SPAG16: variants seen among roughly 807,000 people sequenced by gnomAD.
SPAG16 encodes sperm associated antigen 16, also known as sperm-associated antigen 16 protein.
Under a neutral mutation model 80.4 loss-of-function variants are expected in SPAG16, and 86 were observed. The observed-to-expected ratio is 1.07, with a 90% CI of 0.90 to 1.28. The LOEUF (loss-of-function observed/expected upper bound fraction) is 1.28, where lower values mean the gene tolerates loss of function less well. Ranked by LOEUF, SPAG16 falls within the 50% of genes most tolerant of loss-of-function variation. SPAG16 has a pLI of 0.00. For missense variants in SPAG16, 870 were observed against 765.3 expected (o/e 1.14, Z -1.61); for synonymous variants, 294 against 265.9 (o/e 1.11, Z -1.03).
intron 11 of SPAG16, among the ~76,000 whole-genome samples, chr2:213,869,343 T>C (rs1297389443): frequency 6.8e-6 from 1 of 147,678 alleles, no homozygotes; most frequent in Non-Finnish European, 1.5e-5. Flanking sequence ...ACTTTTTATT[T>C]GGTGTAAGCT....
Position 213,778,840 on chromosome 2 carries a change from T to C in SPAG16, c.1071-83645T>C, listed in dbSNP as rs184330506. On this transcript the variant is annotated intron_variant, in intron 10 of 15. Transcript: ENST00000331683. ...TTGAGTTAATATTAATGAATTTTTT[T>C]CAGTTCCATGTCTGCAGTGATTCTC... Among the ~76,000 whole-genome samples the C allele has an allele frequency of 7.9e-5, 12 of 152,322 alleles. No homozygotes were observed. The East Asian group carries it at 2.3e-3, about 29-fold the overall frequency.
At chr2:214,017,871 T>C (rs982649110) in intron 13 of SPAG16, among the ~76,000 whole-genome samples, 1 of 152,150 alleles carries the variant, frequency 6.6e-6, no homozygotes, top group African/African-American at 2.4e-5. Context: ...TTTGTTACTA[T>C]TATGCATGCT....
At chr2:214,238,738 T>TA (rs1414324745) in intron 15 of SPAG16, 6 of 151,636 alleles carry the variant, frequency 4.0e-5, no homozygotes, top group Non-Finnish European at 8.8e-5. Flanking sequence ...GTTTTACTCA[T>TA]AAAAATGTAA....
intron 12 of SPAG16, among the ~76,000 whole-genome samples, chr2:213,985,147 G>T (rs2045942855): frequency 6.6e-6 from 1 of 152,020 alleles, no homozygotes; most frequent in Non-Finnish European, 1.5e-5. Context: ...GAAAATAGAA[G>T]TTCCTCAAGA....
intron 12 of SPAG16, among the ~76,000 whole-genome samples, chr2:213,946,121 A>AT (rs912750810): frequency 6.6e-6 from 1 of 151,850 alleles, no homozygotes; most frequent in African/African-American, 2.4e-5. Context: ...TGTTGGGGAA[A>AT]TTTTTTTGTG....
chr2:213,944,475 ATAACT>A (rs768973105), intron 12 of SPAG16, among the ~76,000 whole-genome samples: 11 of 152,218 alleles, frequency 7.2e-5, no homozygotes, highest in South Asian at 2.1e-4. Flanking sequence ...TTGGAAGTAC[ATAACT>A]TAACGGGTTT....
intron 15 of SPAG16, among the ~76,000 whole-genome samples, chr2:214,393,495 T>TA (rs1207493873): frequency 6.6e-6 from 1 of 151,928 alleles, no homozygotes; most frequent in Non-Finnish European, 1.5e-5. Context: ...TTTTCAGGTC[T>TA]AAAAAATTTT....
At chr2:214,328,540 C>T (rs377304451) in intron 15 of SPAG16, among the ~76,000 whole-genome samples, 88 of 152,262 alleles carry the variant, frequency 5.8e-4, no homozygotes, top group African/African-American at 1.8e-3. Flanking sequence ...CCTGAGCTCC[C>T]GCAATTTCCT....
chr2:214,016,384 A>G (rs2047592800), intron 13 of SPAG16, among the ~76,000 whole-genome samples: 1 of 152,144 alleles, frequency 6.6e-6, no homozygotes, highest in African/African-American at 2.4e-5. Flanking sequence ...CACTATCACG[A>G]GAACAGCATG....
chr2:213,670,178 A>T (rs1433946674), intron 10 of SPAG16, among the ~76,000 whole-genome samples: 1 of 151,776 alleles, frequency 6.6e-6, no homozygotes, highest in African/African-American at 2.4e-5. Context: ...TTGTATTTTT[A>T]GTAGAGATGG....
chr2:214,003,263 T>C (rs551378261), intron 12 of SPAG16, among the ~76,000 whole-genome samples: 111 of 152,306 alleles, frequency 7.3e-4, no homozygotes, highest in African/African-American at 2.5e-3. Context: ...TATAAATTAA[T>C]TTTCTAGATA....
intron 10 of SPAG16, among the ~76,000 whole-genome samples, chr2:213,748,929 A>T (rs552268723): frequency 2.6e-5 from 4 of 152,264 alleles, no homozygotes; most frequent in Admixed American, 2.0e-4. Context: ...CAGGGGGATC[A>T]TGAGGTCAGG....
intron 6 of SPAG16, among the ~76,000 whole-genome samples, chr2:213,345,641 C>G (rs1267832701): frequency 1.4e-5 from 2 of 138,482 alleles, no homozygotes; most frequent in Non-Finnish European, 3.1e-5. Flanking sequence ...ATAGGGAATC[C>G]TTTCCCCATT....
chr2:214,115,615 A>C (rs907084905), intron 14 of SPAG16, among the ~76,000 whole-genome samples: 4 of 152,182 alleles, frequency 2.6e-5, no homozygotes, highest in African/African-American at 9.6e-5. Context: ...ACAGTGGCTC[A>C]TGCCTGTAAT....
intron 10 of SPAG16, among the ~76,000 whole-genome samples, chr2:213,555,219 A>C (rs77640880): frequency 7.9e-4 from 120 of 152,340 alleles, no homozygotes; most frequent in African/African-American, 2.8e-3. Context: ...CCTGCCAACC[A>C]AAAATAAGTT....
chr2:213,981,389 G>A (rs111494797), intron 12 of SPAG16, among the ~76,000 whole-genome samples: 1,880 of 151,984 alleles, frequency 0.012, 43 homozygotes, highest in African/African-American at 0.043. Flanking sequence ...TTTCCAATGG[G>A]GGTTTTGTTT....
Position 213,605,927 on chromosome 2 carries a change from C to T in SPAG16, c.1070+115837C>T, listed in dbSNP as rs111694888. Among the ~76,000 whole-genome samples the T allele has an allele frequency of 1.6e-3, 237 of 152,274 alleles. 3 individuals carry two copies. Among genetic ancestry groups the T allele is most frequent in the African/African-American group, 4.6e-3 (193 of 41,552 alleles). ...AACTTACATCAGGATATATAATAGA[C>T]CATTTACACCATACTGCAATTTTTT... On this transcript the variant is annotated intron_variant, in intron 10 of 15. Coordinates refer to ENST00000331683, the MANE Select transcript of SPAG16 (RefSeq NM_024532.5).
intron 13 of SPAG16, among the ~76,000 whole-genome samples, chr2:214,079,353 G>A (rs138004999): frequency 0.024 from 3,585 of 152,150 alleles, 47 homozygotes; most frequent in Middle Eastern, 0.051. Flanking sequence ...CAATGCCCTC[G>A]AGAATAGTAA....
chr2:214,037,217 T>C (rs2048743735), intron 13 of SPAG16, among the ~76,000 whole-genome samples: 1 of 140,804 alleles, frequency 7.1e-6, no homozygotes, highest in Admixed American at 6.9e-5. Flanking sequence ...ATGTATACTT[T>C]AATATACACA....
Sources: gnomAD v4.1 joint callset for allele counts (sites outside exome capture counted in the v4.1 genomes callset) on GRCh38, gnomAD v4.1.1 for gene constraint, MANE v1.5 for transcripts, NCBI Gene and HGNC (gene_info 2026-07-23, HGNC 2026-07-21) for gene names.